The following SMYD3 variants were observed in gnomAD, a reference collection of about 807,000 sequenced individuals.
SMYD3 encodes the protein histone-lysine N-methyltransferase SMYD3.
A neutral mutation model predicts 57.7 loss-of-function variants in SMYD3; 36 were observed. The ratio of observed to expected loss-of-function variants is 0.62; its 90% confidence interval spans 0.48 to 0.82. The LOEUF (loss-of-function observed/expected upper bound fraction) is 0.82. Ranked by LOEUF, SMYD3 falls within the 40% of genes least tolerant of loss-of-function variation. The probability of loss-of-function intolerance (pLI) is 0.00; values close to 1 mark genes in which losing one functional copy is unlikely to be tolerated. For missense variants in SMYD3, 515 were observed against 538.8 expected (o/e 0.96, Z 0.44); for synonymous variants, 211 against 195.0 (o/e 1.08, Z -0.68).
At chr1:245,869,649 C>T (rs964208729) in intron 8 of SMYD3, among the ~76,000 whole-genome samples, 4 of 152,136 alleles carry the variant, frequency 2.6e-5, no homozygotes, top group Non-Finnish European at 5.9e-5. Flanking sequence ...TCTCTCTGAC[C>T]GCACAAGCCC....
chr1:246,003,369 C>T (rs1227183203), intron 5 of SMYD3, among the ~76,000 whole-genome samples: 1 of 152,192 alleles, frequency 6.6e-6, no homozygotes, highest in Non-Finnish European at 1.5e-5. Context: ...CCTAATCAAA[C>T]TCTTTTAGGA....
intron 2 of SMYD3, among the ~76,000 whole-genome samples, chr1:246,346,036 G>A (rs144157741): frequency 0.011 from 1,743 of 152,266 alleles, 15 homozygotes; most frequent in Middle Eastern, 0.031. Context: ...TGTAATCCCA[G>A]CACTGTGGGA....
chr1:246,233,525 G>A (rs374873112), intron 5 of SMYD3, among the ~76,000 whole-genome samples: 49 of 132,406 alleles, frequency 3.7e-4, no homozygotes, highest in African/African-American at 7.4e-4. Flanking sequence ...ATACCACACA[G>A]AGGAGAAGCA....
chr1:245,920,214 G>C (rs4523494), intron 7 of SMYD3, among the ~76,000 whole-genome samples: 2 of 151,012 alleles, frequency 1.3e-5, no homozygotes, highest in African/African-American at 2.4e-5. Context: ...TCGGGAGGCA[G>C]AGGCAGGAGG....
At chr1:246,189,868 G>A (rs959928813) in intron 5 of SMYD3, among the ~76,000 whole-genome samples, 6 of 152,178 alleles carry the variant, frequency 3.9e-5, no homozygotes, top group Non-Finnish European at 8.8e-5. Context: ...TCATTTGTAT[G>A]TGCTTAGGAG....
chr1:246,497,132 T>A (rs2103074104), intron 1 of SMYD3, among the ~76,000 whole-genome samples: 1 of 152,162 alleles, frequency 6.6e-6, no homozygotes, highest in Non-Finnish European at 1.5e-5. Flanking sequence ...AATCTTCTTG[T>A]AGTAATAAAC....
In SMYD3 at chr1:245,907,220, C is replaced by T. The variant is rs553720568; in HGVS notation, c.813+8310G>A. 9.9e-5 allele frequency among the ~76,000 whole-genome samples: 15 copies of T among 152,208 alleles called. No individual in the cohort carries two copies. In the East Asian group the frequency reaches 2.9e-3, roughly 29 times the overall value. ...TTTAAGATAACTTAAAAAATGTAAT[C>T]GGATCGTTTGTAACTCAAAGGATAA... is the stretch of plus-strand genomic sequence containing the variant. On this transcript the variant is annotated intron_variant, in intron 8 of 11. Transcript: ENST00000490107.
chr1:245,813,903 T>TACACATACACAC (rs1553330999), intron 10 of SMYD3, among the ~76,000 whole-genome samples: 4 of 145,934 alleles, frequency 2.7e-5, no homozygotes, highest in African/African-American at 1.1e-4. Flanking sequence ...TATATATATA[T>TACACATACACAC]ACAGATGAAT....
chr1:246,360,516 G>C (rs375335848), intron 1 of SMYD3, among the ~76,000 whole-genome samples: 17 of 151,930 alleles, frequency 1.1e-4, no homozygotes, highest in East Asian at 7.7e-4. Flanking sequence ...TAAGCAAAAA[G>C]AACAAATCTG....
At chr1:245,929,699 C>A (rs550971416) in intron 6 of SMYD3, among the ~76,000 whole-genome samples, 171 bp downstream of exon 6, 2 of 152,298 alleles carry the variant, frequency 1.3e-5, no homozygotes, top group South Asian at 4.2e-4. Flanking sequence ...GGTTATAAAA[C>A]TGTTTTCTTT....
intron 5 of SMYD3, among the ~76,000 whole-genome samples, chr1:246,301,730 CT>C (rs2064895192): frequency 6.6e-6 from 1 of 152,116 alleles, no homozygotes; most frequent in Non-Finnish European, 1.5e-5. Flanking sequence ...ACTGATGTGT[CT>C]TTTTTATCTT....
chr1:246,073,554 A>T (rs529830382), intron 5 of SMYD3, among the ~76,000 whole-genome samples: 6 of 152,078 alleles, frequency 3.9e-5, no homozygotes, highest in Non-Finnish European at 7.4e-5. Context: ...CGATCTCTAC[A>T]AAAAATACAA....
chr1:246,070,719 G>A (rs1474873883), intron 5 of SMYD3, among the ~76,000 whole-genome samples: 4 of 152,170 alleles, frequency 2.6e-5, no homozygotes, highest in Non-Finnish European at 4.4e-5. Context: ...CCTAAGCAAA[G>A]TCCTAATTAG....
intron 10 of SMYD3, among the ~76,000 whole-genome samples, chr1:245,847,109 T>C (rs1380609111): frequency 6.6e-6 from 1 of 152,204 alleles, no homozygotes; most frequent in Non-Finnish European, 1.5e-5. Context: ...TTAACACATC[T>C]AACAATAAGA....
chr1:246,468,497 C>T (rs746167082), intron 1 of SMYD3, among the ~76,000 whole-genome samples: 2 of 151,792 alleles, frequency 1.3e-5, no homozygotes, highest in Non-Finnish European at 2.9e-5. Context: ...AAAAATTAGC[C>T]AGGTATGGTG....
chr1:246,355,598 G>C lies in SMYD3; in HGVS notation c.165-504C>G, dbSNP rs545926884. 1.2e-4 allele frequency among the ~76,000 whole-genome samples: 19 copies of C among 152,258 alleles called. No homozygotes were observed. Among genetic ancestry groups the C allele is most frequent in the African/African-American group, 4.3e-4 (18 of 41,554 alleles). On this transcript the variant is annotated intron_variant, in intron 1 of 11. Coordinates refer to ENST00000490107, the MANE Select transcript of SMYD3 (RefSeq NM_001167740.2). The surrounding 1 kb of genome is among the most constrained non-coding windows in gnomAD (Gnocchi z 5.0). ...CTGGAAACAGACTCCGTGCTGCTGT[G>C]GGGGCACGGTGGGAGTGAGACCAGC...
chr1:246,464,811 A>G (rs1008640939), intron 1 of SMYD3, among the ~76,000 whole-genome samples: 5 of 152,018 alleles, frequency 3.3e-5, no homozygotes, highest in African/African-American at 1.2e-4. Context: ...TTTTTCCCCC[A>G]TGGATCTGTT....
intron 5 of SMYD3, among the ~76,000 whole-genome samples, chr1:246,238,205 TTGA>T (rs1308400831): frequency 6.6e-6 from 1 of 152,024 alleles, no homozygotes; most frequent in African/African-American, 2.4e-5. Context: ...TTGTTTTTTG[TTGA>T]TGTTCTTGAG....
chr1:245,778,698 T>C (rs896597907), intron 10 of SMYD3, among the ~76,000 whole-genome samples: 2 of 152,302 alleles, frequency 1.3e-5, no homozygotes, highest in Middle Eastern at 3.4e-3. Flanking sequence ...AAATAGATCA[T>C]TGACCTAAAT....
Sources: gnomAD v4.1 joint callset for allele counts (sites outside exome capture counted in the v4.1 genomes callset) on GRCh38, gnomAD v4.1.1 for gene constraint, Gnocchi (gnomAD v3.1) non-coding constraint, MANE v1.5 for transcripts, NCBI Gene and HGNC (gene_info 2026-07-23, HGNC 2026-07-21) for gene names.